CAND2: variants seen among roughly 807,000 people sequenced by gnomAD.
CAND2 encodes cullin-associated NEDD8-dissociated protein 2.
A neutral mutation model predicts 98.9 loss-of-function variants in CAND2; 62 were observed. The ratio of observed to expected loss-of-function variants is 0.63; its 90% confidence interval spans 0.51 to 0.77. The LOEUF (loss-of-function observed/expected upper bound fraction) is 0.77. Ranked by LOEUF, CAND2 falls within the 30% of genes least tolerant of loss-of-function variation. The pLI is 0.00. For synonymous variants in CAND2, 770 were observed against 731.9 expected, an observed-to-expected ratio of 1.05 and a Z score of -0.84; for missense variants, 1,501 against 1,655.2, an observed-to-expected ratio of 0.91 and a Z score of 1.62.
At position 12,827,461 on chromosome 3, in the gene CAND2, C is replaced by T. The variant is rs1450663991; in HGVS notation, c.3232C>T (p.His1078Tyr). 5 of 1,613,826 alleles carry T rather than the reference C, an allele frequency of 3.1e-6. No individual in the cohort carries two copies. The highest frequency in any genetic ancestry group is 3.3e-4 in the Middle Eastern group (2 of 6,062). The change falls in exon 13 of 15, where the codon CAT (histidine) becomes TAT (tyrosine). Residue 1078 changes from histidine to tyrosine, a missense_variant. By Grantham distance (83) the His-to-Tyr change is moderately conservative (BLOSUM62 2). Coordinates refer to ENST00000456430, the MANE Select transcript of CAND2 (RefSeq NM_001162499.2). ...GCAGGTGGAGATGGGGCCCTTTAAA[C>T]ATACAGTGGACGATGGGCTGGACGT... ...IREVEMGPFKHTVDDGLDVRK... is the reference protein window; with the variant it reads ...IREVEMGPFKYTVDDGLDVRK...
At chr3:12,812,219 A>ATGTTTTTTTTT (rs1575768881) in intron 5 of CAND2, among the ~76,000 whole-genome samples, 1 of 45,672 alleles carries the variant, frequency 2.2e-5, no homozygotes, top group Non-Finnish European at 4.7e-5. Context: ...TAAGCTGTTT[A>ATGTTTTTTTTT]TCTTTTTTTT....
intron 7 of CAND2, among the ~76,000 whole-genome samples, chr3:12,814,456 CT>C (rs1229172894): frequency 6.6e-6 from 1 of 152,178 alleles, no homozygotes; most frequent in African/African-American, 2.4e-5. Context: ...AGTACCTTCA[CT>C]TTTGAGGTGA....
rs138677441 is a variant in CAND2, at chr3:12,803,533, C to T, written c.114C>T (p.Ser38=). 6.2e-7 allele frequency: 1 copy of T among 1,613,386 alleles called. No individual in the cohort carries two copies. Among genetic ancestry groups the T allele is most frequent in the African/African-American group, 1.3e-5 (1 of 74,898 alleles). The change falls in exon 2 of 15, where the codon TCC becomes TCT. Residue 38 remains serine (S), a synonymous_variant. Coordinates refer to ENST00000456430, the MANE Select transcript of CAND2 (RefSeq NM_001162499.2). ...TGATGTCGGAGTTGCAGAAGGACTC[C>T]ATCCAGCTGGACGAGGACAGCGAGC... ...SDLMSELQKD[S]IQLDEDSERK...
At chr3:12,805,291 C>CTT (rs1188131385) in intron 2 of CAND2, among the ~76,000 whole-genome samples, 7 of 140,516 alleles carry the variant, frequency 5.0e-5, no homozygotes, top group Admixed American at 7.2e-5. Flanking sequence ...TTTTTTTCTT[C>CTT]TTTTTTTTTT....
At chr3:12,818,859 A>T (rs574340933) in intron 10 of CAND2, among the ~76,000 whole-genome samples, 1 of 152,238 alleles carries the variant, frequency 6.6e-6, no homozygotes, top group Non-Finnish European at 1.5e-5. Flanking sequence ...TGTTGAGGAC[A>T]CTGTCTATTA....
At chr3:12,818,041 A>G (rs147976051) in intron 10 of CAND2, among the ~76,000 whole-genome samples, 165 bp downstream of exon 10, 6 of 152,338 alleles carry the variant, frequency 3.9e-5, no homozygotes, top group Non-Finnish European at 7.4e-5. Flanking sequence ...ACACAGTGAT[A>G]CCTGAGACTT....
Position 12,815,053 on chromosome 3 carries a change from GCT to G in CAND2, c.1007-80_1007-79del, listed in dbSNP as rs571863523. The G allele has an allele frequency of 4.8e-3, 6,494 of 1,359,814 alleles. 31 individuals are homozygous for G. The highest frequency in any genetic ancestry group is 6.0e-3 in the Non-Finnish European group (5,846 of 982,264). The allele number at this position is 1,359,814 out of a possible 1,614,324, so 84.2% of individuals were successfully genotyped here. On this transcript the variant is annotated intron_variant, in intron 7 of 14. Transcript: ENST00000456430. The surrounding 1 kb of genome is among the most constrained non-coding windows in gnomAD (Gnocchi z 5.7). ...ATCAAAAAGTGAAGCACAGTGCCCA[GCT>G]CTCTCTCCTCCCTGTCCCTTCTCCC...
chr3:12,820,565 A>C (rs2061949487), intron 11 of CAND2, among the ~76,000 whole-genome samples: 1 of 152,248 alleles, frequency 6.6e-6, no homozygotes, highest in South Asian at 2.1e-4. Context: ...CACATGCCTT[A>C]GCTTTTGCGG....
Position 12,825,468 on chromosome 3 carries a change from A to G in CAND2, c.3041-2A>G. 2 of 1,552,496 alleles carry G rather than the reference A, an allele frequency of 1.3e-6. No homozygotes were observed. Among genetic ancestry groups the G allele is most frequent in the Middle Eastern group, 1.7e-4 (1 of 5,976 alleles). ...CCCACGCCCCTCATGTTCTTCTGCC[A>G]GGAGAGTTCATGGAGAGCCTGCAGG... On this transcript the variant is annotated splice_acceptor_variant, in intron 11 of 14. Transcript: ENST00000456430. LOFTEE classifies it high-confidence loss of function.
intron 1 of CAND2, 38 bp downstream of exon 1, chr3:12,796,826 T>C: frequency 2.0e-6 from 3 of 1,535,050 alleles, no homozygotes; most frequent in Non-Finnish European, 2.7e-6. Flanking sequence ...TCCTTCCCGC[T>C]CTGAAGCCGG....
chr3:12,831,369 A>C, intron 13 of CAND2, 96 bp from the exon 14 acceptor site: 1 of 920,436 alleles, frequency 1.1e-6, no homozygotes, highest in Non-Finnish European at 1.8e-6. Context: ...CTTGGGCTTC[A>C]GGTTTCAGTT....
At chr3:12,796,839 G>C in intron 1 of CAND2, 51 bp downstream of exon 1, 1 of 1,469,792 alleles carries the variant, frequency 6.8e-7, no homozygotes, top group South Asian at 1.2e-5. Flanking sequence ...GAAGCCGGGG[G>C]CCTTCTTCCC....
rs370800520 is a variant in CAND2 at position 12,817,442 on chromosome 3, C to T, written c.2510C>T (p.Thr837Met). ...GATGCCAGGTCGCCCCACTCCAGCACGGGGGTCAAGGTCCTGGCATTCTTG... is the reference window on the plus strand; with the variant it reads ...GATGCCAGGTCGCCCCACTCCAGCATGGGGGTCAAGGTCCTGGCATTCTTG... ...VCDARSPHSS[T>M]GVKVLAFLSL... The change falls in exon 10 of 15, where the codon ACG becomes ATG. Residue 837 changes from threonine (T) to methionine (M), a missense_variant. Physicochemically the swap from Thr to Met is moderately conservative, Grantham distance 81 (BLOSUM62 -1). This residue lies in a region of CAND2 where 1,427 missense variants were observed against 1,545.3 expected (regional missense o/e 0.92). Transcript: ENST00000456430. 741 of 1,613,706 alleles carry T rather than the reference C, an allele frequency of 4.6e-4. 4 individuals carry two copies. The South Asian group carries it at 5.9e-3, about 13-fold the overall frequency.
intron 13 of CAND2, 40 bp from the exon 14 acceptor site, chr3:12,831,425 T>C: frequency 3.9e-6 from 6 of 1,540,954 alleles, no homozygotes; most frequent in Non-Finnish European, 5.4e-6. Context: ...CTCTTGCTCC[T>C]GCACCATTTC....
chr3:12,810,354 G>T (rs2124844633), intron 5 of CAND2, 30 bp downstream of exon 5: 1 of 1,406,412 alleles, frequency 7.1e-7, no homozygotes, highest in Non-Finnish European at 9.2e-7. Flanking sequence ...GGCCTGGGCT[G>T]GCATGGTGGG....
intron 1 of CAND2, among the ~76,000 whole-genome samples, chr3:12,797,892 G>T (rs919405542): frequency 6.6e-6 from 1 of 152,032 alleles, no homozygotes; most frequent in South Asian, 2.1e-4. Context: ...CTGCTCTGGT[G>T]GTCTGACTCC....
In CAND2 at chr3:12,817,188, G is replaced by A. The variant is rs62637653; in HGVS notation, c.2256G>A (p.Gly752=). 23,427 of 1,613,360 alleles carry A rather than the reference G, an allele frequency of 0.015. 200 individuals carry two copies. Among genetic ancestry groups the A allele is most frequent in the Middle Eastern group, 0.025 (154 of 6,062 alleles). The change falls in exon 10 of 15, where the codon GGG becomes GGA. Residue 752 remains glycine (G), a synonymous_variant. Coordinates refer to ENST00000456430, the MANE Select transcript of CAND2 (RefSeq NM_001162499.2). The part of the protein sequence containing the change: ...RLLRSPLLPA[G]VLAAAEGFLQ... ...TGCGTTCGCCCCTGTTGCCAGCCGG[G>A]GTTCTGGCAGCTGCTGAAGGCTTCC...
chr3:12,828,008 G>A (rs1405551340), intron 13 of CAND2, among the ~76,000 whole-genome samples: 1 of 151,666 alleles, frequency 6.6e-6, no homozygotes, highest in African/African-American at 2.4e-5. Context: ...ATTCCCAGAC[G>A]AAATTTTTGA....
chr3:12,803,428 T>C, intron 1 of CAND2, 60 bp from the exon 2 acceptor site: 1 of 1,503,360 alleles, frequency 6.7e-7, no homozygotes, highest in East Asian at 2.3e-5. Flanking sequence ...CCTGAGGTAC[T>C]GCCCAAATCC....
Sources: gnomAD v4.1 joint callset for allele counts (sites outside exome capture counted in the v4.1 genomes callset) on GRCh38, gnomAD v4.1.1 for gene constraint, gnomAD v4.1.1 regional missense constraint, Gnocchi (gnomAD v3.1) non-coding constraint, MANE v1.5 for transcripts, NCBI Gene and HGNC (gene_info 2026-07-23, HGNC 2026-07-21) for gene names.